MAPK14: variants seen among roughly 807,000 people sequenced by gnomAD.
MAPK14 encodes the protein mitogen-activated protein kinase 14.
A neutral mutation model predicts 49.6 loss-of-function variants in MAPK14; 16 were observed. The observed-to-expected ratio is 0.32, with a 90% CI of 0.22 to 0.49. The LOEUF (loss-of-function observed/expected upper bound fraction) is 0.49, where lower values mean the gene tolerates loss of function less well. MAPK14 is among the 20% of genes least tolerant of loss of function. The pLI is 0.99. For missense variants in MAPK14, 200 were observed against 441.2 expected, an observed-to-expected ratio of 0.45 and a Z score of 4.90; for synonymous variants, 142 against 158.0, an observed-to-expected ratio of 0.90 and a Z score of 0.76.
intron 1 of MAPK14, among the ~76,000 whole-genome samples, chr6:36,045,906 A>G (rs1382236504): frequency 6.6e-6 from 1 of 151,410 alleles, no homozygotes; most frequent in Non-Finnish European, 1.5e-5. Flanking sequence ...ATCACTTACC[A>G]TTTTGTCAGG....
Position 36,110,420 on chromosome 6 carries a change from T to A in MAPK14, c.*1973T>A, listed in dbSNP as rs1765931828. ...CAAATCCTCACCATCCACAGCAAGA[T>A]GAATTTTATCAGCCATGTTTGGTTG... On this transcript the variant is annotated 3_prime_UTR_variant, in exon 12 of 12. Transcript: ENST00000229794. 6.5e-6 allele frequency: 1 copy of A among 152,690 alleles called. No homozygotes were observed. The highest frequency in any genetic ancestry group is 1.5e-5 in the Non-Finnish European group (1 of 68,054). 9.5% of individuals were successfully genotyped at this position (152,690 alleles called of 1,614,324 possible). A position where few individuals can be genotyped will look rare whatever the true frequency, so the allele number is the denominator to read the frequency against.
chr6:36,031,907 C>T (rs1762558401), intron 1 of MAPK14, among the ~76,000 whole-genome samples: 1 of 152,048 alleles, frequency 6.6e-6, no homozygotes. Flanking sequence ...TGAACTGGAC[C>T]TGAAGTCTAC....
intron 3 of MAPK14, among the ~76,000 whole-genome samples, chr6:36,062,826 T>G (rs1763879040): frequency 6.6e-6 from 1 of 151,864 alleles, no homozygotes; most frequent in African/African-American, 2.4e-5. Flanking sequence ...CCTGGTTAAT[T>G]TTTGTATTTT....
intron 1 of MAPK14, among the ~76,000 whole-genome samples, chr6:36,044,116 TTA>T (rs1422834950): frequency 1.1e-4 from 17 of 152,214 alleles, no homozygotes; most frequent in African/African-American, 4.1e-4. Flanking sequence ...GGCCCTCACT[TTA>T]TAGATATTCT....
chr6:36,105,609 CTGTAAAG>C (rs1765776171), intron 10 of MAPK14, among the ~76,000 whole-genome samples: 1 of 152,152 alleles, frequency 6.6e-6, no homozygotes, highest in Non-Finnish European at 1.5e-5. Flanking sequence ...TCACCTAGTA[CTGTAAAG>C]TGTAAACTTA....
chr6:36,119,046 G>C, the MAPK14 span, among the ~76,000 whole-genome samples: 1 of 152,138 alleles, frequency 6.6e-6, no homozygotes, highest in South Asian at 2.1e-4. Flanking sequence ...AAATGTAGTA[G>C]GTAACATCTA....
chr6:36,050,585 G>A (rs1330911338), intron 1 of MAPK14, among the ~76,000 whole-genome samples: 1 of 152,162 alleles, frequency 6.6e-6, no homozygotes, highest in Non-Finnish European at 1.5e-5. Context: ...AGAGTGTAGA[G>A]AGATCTTCTG....
rs183704765 is a variant in MAPK14 at position 36,084,492 on chromosome 6, G to C, written c.682+7884G>C. On this transcript the variant is annotated intron_variant, in intron 8 of 11. Coordinates refer to ENST00000229794, the MANE Select transcript of MAPK14 (RefSeq NM_139012.3). The stretch of plus-strand genomic sequence containing the variant: ...GCTGTTAACCAGAATAACCAGTTTA[G>C]AAAGGAACATAAATGATGGAGCTGA... Among the ~76,000 whole-genome samples the C allele has an allele frequency of 2.6e-5, 4 of 152,260 alleles. No homozygotes were observed. The East Asian group carries it at 7.7e-4, about 29-fold the overall frequency.
intron 1 of MAPK14, among the ~76,000 whole-genome samples, chr6:36,042,673 T>C (rs1763011082): frequency 6.6e-6 from 1 of 151,400 alleles, no homozygotes; most frequent in Non-Finnish European, 1.5e-5. Flanking sequence ...TTTTTTTTTT[T>C]CGTAGACACG....
chr6:36,060,985 A>T (rs368821901), intron 3 of MAPK14, among the ~76,000 whole-genome samples: 10 of 152,220 alleles, frequency 6.6e-5, no homozygotes, highest in African/African-American at 1.9e-4. Context: ...TTGATACAAC[A>T]ATATGGAGGC....
chr6:36,043,186 G>C (rs914692987), intron 1 of MAPK14, among the ~76,000 whole-genome samples: 2 of 152,020 alleles, frequency 1.3e-5, no homozygotes, highest in African/African-American at 4.8e-5. Flanking sequence ...TAATTACAGT[G>C]GTGAAATTGT....
intron 2 of MAPK14, among the ~76,000 whole-genome samples, chr6:36,055,407 T>G (rs964032728): frequency 6.6e-6 from 1 of 151,406 alleles, no homozygotes; most frequent in African/African-American, 2.4e-5. Flanking sequence ...AGTTAAAGTA[T>G]TTTTTTTTGG....
Position 36,109,626 on chromosome 6 carries a change from A to G in MAPK14, c.*1179A>G, listed in dbSNP as rs1225202002. 1 of 152,646 alleles carries G rather than the reference A, an allele frequency of 6.6e-6. No individual in the cohort carries two copies. Among genetic ancestry groups the G allele is most frequent in the Non-Finnish European group, 1.5e-5 (1 of 68,044 alleles). The allele number at this position is 152,646 out of a possible 1,614,324, so 9.5% of individuals were successfully genotyped here. ...AAAGAGGAACAGGTGGATGTATAGCATTTTTATTCATGCCATCTGTTTTCA... is the reference window on the plus strand; with the variant it reads ...AAAGAGGAACAGGTGGATGTATAGCGTTTTTATTCATGCCATCTGTTTTCA... On this transcript the variant is annotated 3_prime_UTR_variant, in exon 12 of 12. Coordinates refer to ENST00000229794, the MANE Select transcript of MAPK14 (RefSeq NM_139012.3).
At chr6:36,101,153 C>G (rs150573983) in intron 9 of MAPK14, among the ~76,000 whole-genome samples, 1 of 152,132 alleles carries the variant, frequency 6.6e-6, no homozygotes, top group Admixed American at 6.5e-5. Context: ...AATTAAGAAG[C>G]GGAAGGCTGG....
At chr6:36,032,810 TATC>T (rs1762592923) in intron 1 of MAPK14, among the ~76,000 whole-genome samples, 1 of 152,240 alleles carries the variant, frequency 6.6e-6, no homozygotes, top group Non-Finnish European at 1.5e-5. Context: ...CTGTGCACTT[TATC>T]ATCAGCATAA....
At chr6:36,034,788 G>A (rs1289126317) in intron 1 of MAPK14, among the ~76,000 whole-genome samples, 5 of 151,494 alleles carry the variant, frequency 3.3e-5, no homozygotes, top group East Asian at 1.9e-4. Flanking sequence ...TTGAAGGTTA[G>A]TGACAACCCT....
chr6:36,043,713 A>G (rs1763054312), intron 1 of MAPK14, among the ~76,000 whole-genome samples: 1 of 152,146 alleles, frequency 6.6e-6, no homozygotes, highest in Admixed American at 6.5e-5. Flanking sequence ...GTTGGAAAAA[A>G]AGCCTGAAAT....
rs1765871685 is a variant in MAPK14, at chr6:36,108,575, TGCGTGTGC to T, written c.*130_*137del. ...CCTCCATGGTGGAAGGGGGTGTGCGTGCGTGTGCGTGCGTGTTAGTGTGTGTGCATGTG... is the reference window on the plus strand; with the variant it reads ...CCTCCATGGTGGAAGGGGGTGTGCGTGTGCGTGTTAGTGTGTGTGCATGTG... On this transcript the variant is annotated 3_prime_UTR_variant, in exon 12 of 12. Coordinates refer to ENST00000229794, the MANE Select transcript of MAPK14 (RefSeq NM_139012.3). 15 of 516,384 alleles carry T rather than the reference TGCGTGTGC, an allele frequency of 2.9e-5. No individual in the cohort carries two copies. The East Asian group carries it at 3.9e-4, about 13-fold the overall frequency. The allele number at this position is 516,384 out of a possible 1,614,324, so 32.0% of individuals were successfully genotyped here.
intron 8 of MAPK14, among the ~76,000 whole-genome samples, chr6:36,091,565 G>A (rs1765230318): frequency 6.6e-6 from 1 of 152,126 alleles, no homozygotes. Context: ...CGCTCCTTCT[G>A]GTCTTAACTG....
Sources: gnomAD v4.1 joint callset for allele counts (sites outside exome capture counted in the v4.1 genomes callset) on GRCh38, gnomAD v4.1.1 for gene constraint, MANE v1.5 for transcripts, NCBI Gene and HGNC (gene_info 2026-07-23, HGNC 2026-07-21) for gene names.